The following CAMTA1 variants were observed in gnomAD, a reference collection of about 807,000 sequenced individuals.
The protein encoded by CAMTA1 is calmodulin binding transcription activator 1.
In CAMTA1, 27 loss-of-function variants were observed where a neutral mutation model predicts 170.9. The observed-to-expected ratio is 0.16, with a 90% CI of 0.12 to 0.22. CAMTA1 has a LOEUF of 0.22. Among genes scored for constraint, CAMTA1 ranks in the 10% least tolerant of loss-of-function variants. The probability of loss-of-function intolerance (pLI) is 1.00; values close to 1 mark genes in which losing one functional copy is unlikely to be tolerated. For missense variants in CAMTA1, 1,619 were observed against 2,217.2 expected (o/e 0.73, Z 5.42); for synonymous variants, 833 against 891.5 (o/e 0.93, Z 1.17).
At chr1:6,890,093 G>A (rs1387050873) in intron 3 of CAMTA1, among the ~76,000 whole-genome samples, 1 of 152,182 alleles carries the variant, frequency 6.6e-6, no homozygotes, top group Non-Finnish European at 1.5e-5. Context: ...AGGACGTCAG[G>A]CAGAGAGGGA....
chr1:7,023,915 C>T (rs552046738), intron 3 of CAMTA1, among the ~76,000 whole-genome samples: 1 of 151,690 alleles, frequency 6.6e-6, no homozygotes, highest in East Asian at 1.9e-4. Context: ...GTAATCCCAG[C>T]TACTCAGGAG....
chr1:7,650,816 A>G (rs2095844269), intron 7 of CAMTA1, among the ~76,000 whole-genome samples: 1 of 152,216 alleles, frequency 6.6e-6, no homozygotes, highest in Admixed American at 6.5e-5. Context: ...GTGTCTGGAT[A>G]TGAGAAGTTA....
intron 5 of CAMTA1, among the ~76,000 whole-genome samples, chr1:7,444,492 G>A (rs190892529): frequency 6.6e-6 from 1 of 152,226 alleles, no homozygotes; most frequent in East Asian, 1.9e-4. Flanking sequence ...TCTGTTTGCT[G>A]CTTCCCTCCT....
rs998756225 is a variant in CAMTA1, at chr1:7,113,296, G to T, written c.302+21925G>T. Among the ~76,000 whole-genome samples, 1 of 152,252 alleles carries T rather than the reference G, an allele frequency of 6.6e-6. No individual in the cohort carries two copies. The highest frequency in any genetic ancestry group is 1.5e-5 in the Non-Finnish European group (1 of 68,046). ...GCCGTGGGCTGGTCACTGCCATGTG[G>T]GCTTGGGTTGGCCTTCCCGTATGTT... is the stretch of plus-strand genomic sequence containing the variant. On this transcript the variant is annotated intron_variant, in intron 4 of 22. Coordinates refer to ENST00000303635, the MANE Select transcript of CAMTA1 (RefSeq NM_015215.4). This position sits in a 1 kb window ranked among gnomAD's most constrained non-coding sequence, Gnocchi z 4.5.
chr1:6,916,340 A>AG (rs1680787492), intron 3 of CAMTA1, among the ~76,000 whole-genome samples: 1 of 152,134 alleles, frequency 6.6e-6, no homozygotes, highest in Non-Finnish European at 1.5e-5. Context: ...TTGAGTTAGG[A>AG]GTGCCAGGAA....
chr1:7,285,515 C>T (rs547246547), intron 5 of CAMTA1, among the ~76,000 whole-genome samples: 6 of 152,282 alleles, frequency 3.9e-5, no homozygotes, highest in African/African-American at 1.2e-4. Flanking sequence ...GTTCCCAGTG[C>T]CTCGCCTGTC....
chr1:7,003,463 T>C (rs1051438886), intron 3 of CAMTA1, among the ~76,000 whole-genome samples: 2 of 152,216 alleles, frequency 1.3e-5, no homozygotes, highest in Non-Finnish European at 2.9e-5. Flanking sequence ...CCCTGTAGCA[T>C]AGATGGCTAT....
At chr1:6,845,241 G>A (rs1657585961) in intron 3 of CAMTA1, among the ~76,000 whole-genome samples, 1 of 152,208 alleles carries the variant, frequency 6.6e-6, no homozygotes, top group South Asian at 2.1e-4. Context: ...TGATGGTCCA[G>A]GGGCTTCTGT....
chr1:7,168,745 A>G (rs966915442), intron 4 of CAMTA1, among the ~76,000 whole-genome samples: 1 of 152,254 alleles, frequency 6.6e-6, no homozygotes, highest in Non-Finnish European at 1.5e-5. Context: ...TGCAAGAACA[A>G]GAAATAAACT....
chr1:7,747,832 A>C, intron 19 of CAMTA1, 51 bp downstream of exon 19: 1 of 1,336,570 alleles, frequency 7.5e-7, no homozygotes, highest in Non-Finnish European at 1.1e-6. Context: ...ACCCAAGGCC[A>C]CTGAAGATCC....
intron 6 of CAMTA1, among the ~76,000 whole-genome samples, chr1:7,607,107 G>A (rs2150630538): frequency 6.6e-6 from 1 of 151,906 alleles, no homozygotes; most frequent in African/African-American, 2.4e-5. Context: ...AGGAGTAGGT[G>A]GGTAGATGGA....
At chr1:7,156,999 A>G (rs1458470203) in intron 4 of CAMTA1, among the ~76,000 whole-genome samples, 1 of 152,192 alleles carries the variant, frequency 6.6e-6, no homozygotes, top group Non-Finnish European at 1.5e-5. Flanking sequence ...GATCAGAAAG[A>G]ATTTTTATGC....
chr1:7,336,047 A>T (rs1574762693), intron 5 of CAMTA1, among the ~76,000 whole-genome samples: 2 of 152,346 alleles, frequency 1.3e-5, no homozygotes, highest in Non-Finnish European at 2.9e-5. Flanking sequence ...TTCATTCATT[A>T]TCCCACTGAA....
chr1:7,709,201 G>C (rs1237792928), intron 11 of CAMTA1, among the ~76,000 whole-genome samples: 2 of 152,176 alleles, frequency 1.3e-5, no homozygotes, highest in Non-Finnish European at 2.9e-5. Context: ...ATTAACAGCT[G>C]TTTATGGGGT....
At chr1:7,499,076 A>G (rs1466228522) in intron 6 of CAMTA1, among the ~76,000 whole-genome samples, 4 of 60,748 alleles carry the variant, frequency 6.6e-5, no homozygotes, top group Non-Finnish European at 1.0e-4. Context: ...TATGTATATG[A>G]GTGTGTGTGT....
intron 16 of CAMTA1, among the ~76,000 whole-genome samples, chr1:7,743,205 T>C (rs569278739): frequency 1.3e-5 from 2 of 152,230 alleles, no homozygotes; most frequent in South Asian, 4.1e-4. Flanking sequence ...AAAAACGAAT[T>C]GTTCTTTGAT....
intron 3 of CAMTA1, among the ~76,000 whole-genome samples, chr1:7,077,635 T>C (rs1639475406): frequency 6.6e-6 from 1 of 152,074 alleles, no homozygotes; most frequent in African/African-American, 2.4e-5. Context: ...CTTGGATGTG[T>C]TAATTTTAAG....
At chr1:7,762,649 A>G (rs2096984623) in intron 22 of CAMTA1, among the ~76,000 whole-genome samples, 1 of 152,220 alleles carries the variant, frequency 6.6e-6, no homozygotes, top group Non-Finnish European at 1.5e-5. Context: ...TTTCATGTTA[A>G]CTTTCAGAGG....
rs1419274614 is a variant in CAMTA1, at chr1:7,512,567, T to C, written c.510+44666T>C. On this transcript the variant is annotated intron_variant, in intron 6 of 22. Transcript: ENST00000303635. ...TATTCCAGGGGTCTCGCCCTGGACC[T>C]GGACTGGGGCTTGGTTTTCTGAGAG... is the stretch of plus-strand genomic sequence containing the variant. Among the ~76,000 whole-genome samples the C allele has an allele frequency of 4.6e-5, 7 of 152,200 alleles. No individual in the cohort carries two copies. The East Asian group carries it at 1.4e-3, about 29-fold the overall frequency.
Sources: allele counts gnomAD v4.1 joint callset (sites outside exome capture counted in the v4.1 genomes callset), GRCh38; gene constraint gnomAD v4.1.1; non-coding constraint Gnocchi (gnomAD v3.1); transcripts MANE v1.5; gene names NCBI Gene and HGNC (gene_info 2026-07-23, HGNC 2026-07-21).